CHP1: variants seen among roughly 807,000 people sequenced by gnomAD.
CHP1 encodes the protein calcineurin B homologous protein 1.
In CHP1, 11 loss-of-function variants were observed where a neutral mutation model predicts 27.4. The observed-to-expected ratio is 0.40, with a 90% CI of 0.25 to 0.67. The LOEUF (loss-of-function observed/expected upper bound fraction) is 0.67, where lower values mean the gene tolerates loss of function less well. Among genes scored for constraint, CHP1 ranks in the 30% least tolerant of loss-of-function variants. The pLI is 0.38. For synonymous variants in CHP1, 89 were observed against 87.4 expected, an observed-to-expected ratio of 1.02 and a Z score of -0.10; for missense variants, 169 against 251.3, an observed-to-expected ratio of 0.67 and a Z score of 2.22.
intron 5 of CHP1, among the ~76,000 whole-genome samples, chr15:41,272,541 C>T (rs191457188): frequency 5.9e-5 from 9 of 152,102 alleles, no homozygotes; most frequent in African/African-American, 1.4e-4. Context: ...GTGCCTCAGC[C>T]TCCTGAGTAA....
chr15:41,249,614 AG>A (rs1421899495), intron 2 of CHP1, among the ~76,000 whole-genome samples: 1 of 151,694 alleles, frequency 6.6e-6, no homozygotes, highest in Non-Finnish European at 1.5e-5. Flanking sequence ...CTGGGACTAC[AG>A]GTGCCCGCCA....
rs193258188 is a variant in CHP1, at chr15:41,244,637, A to T, written c.140+898A>T. Among the ~76,000 whole-genome samples, 117 of 152,272 alleles carry T rather than the reference A, an allele frequency of 7.7e-4. 1 individual carries two copies. Among genetic ancestry groups the T allele is most frequent in the Non-Finnish European group, 1.2e-4 (8 of 68,026 alleles). On this transcript the variant is annotated intron_variant, in intron 2 of 6. Coordinates refer to ENST00000334660, the MANE Select transcript of CHP1 (RefSeq NM_007236.5). ...GGCCAGAGATGCTGCTAAACATCCT[A>T]CAGTGCACAGGACAGCCCCCATGAC...
chr15:41,266,874 C>T (rs1221406542), intron 4 of CHP1, among the ~76,000 whole-genome samples: 1 of 151,968 alleles, frequency 6.6e-6, no homozygotes, highest in Admixed American at 6.6e-5. Flanking sequence ...GTGGTGGATA[C>T]CTGTAATCCC....
At chr15:41,264,112 G>A in intron 4 of CHP1, 1 of 930,208 alleles carries the variant, frequency 1.1e-6, no homozygotes, top group Non-Finnish European at 1.5e-6. Flanking sequence ...ATGGTCACAT[G>A]GCAGCTCTCA....
In CHP1 at chr15:41,231,316, T is replaced by A; in HGVS notation, c.-67T>A. On this transcript the variant is annotated 5_prime_UTR_variant, in exon 1 of 7. Transcript: ENST00000334660. ...TCTTGACCCCTAGCCCTTCCTTCCCTCCCTCCTTCCCTCCTGTCGCCGTCT... is the reference window on the plus strand; with the variant it reads ...TCTTGACCCCTAGCCCTTCCTTCCCACCCTCCTTCCCTCCTGTCGCCGTCT... The A allele has an allele frequency of 6.9e-7, 1 of 1,454,496 alleles. No homozygotes were observed. The highest frequency in any genetic ancestry group is 1.2e-5 in the South Asian group (1 of 82,328). 90.1% of individuals were successfully genotyped at this position (1,454,496 alleles called of 1,614,324 possible). A position where few individuals can be genotyped will look rare whatever the true frequency, so the allele number is the denominator to read the frequency against.
At chr15:41,238,281 C>T (rs1334858884) in intron 1 of CHP1, among the ~76,000 whole-genome samples, 1 of 151,942 alleles carries the variant, frequency 6.6e-6, no homozygotes, top group East Asian at 1.9e-4. Context: ...CCTCTGCCTC[C>T]TAAATAGCTC....
At chr15:41,256,115 G>A (rs1021878240) in intron 2 of CHP1, among the ~76,000 whole-genome samples, 1 of 152,172 alleles carries the variant, frequency 6.6e-6, no homozygotes, top group Admixed American at 6.5e-5. Context: ...TGCTACTTAG[G>A]AGTAGTGTGG....
At chr15:41,275,503 G>A (rs1045556672) in intron 5 of CHP1, among the ~76,000 whole-genome samples, 1 of 152,082 alleles carries the variant, frequency 6.6e-6, no homozygotes, top group African/African-American at 2.4e-5. Flanking sequence ...TAATCAGTTT[G>A]GATACAAATC....
chr15:41,257,681 TC>T, intron 3 of CHP1, among the ~76,000 whole-genome samples: 1 of 152,076 alleles, frequency 6.6e-6, no homozygotes, highest in East Asian at 1.9e-4. Flanking sequence ...TGCCTCAGCC[TC>T]CGAGATAGTT....
chr15:41,280,848 T>G lies in CHP1; in HGVS notation c.*1459T>G, dbSNP rs548587938. 1 of 151,202 alleles carries G rather than the reference T, an allele frequency of 6.6e-6. No individual in the cohort carries two copies. 9.4% of individuals were successfully genotyped at this position (151,202 alleles called of 1,614,324 possible). A position where few individuals can be genotyped will look rare whatever the true frequency, so the allele number is the denominator to read the frequency against. ...ATTTAAAGATTGTTTCCTTAGTGTC[T>G]TGAAGTTTTGCACAAAATTCTTTTT... is the stretch of plus-strand genomic sequence containing the variant. On this transcript the variant is annotated 3_prime_UTR_variant, in exon 7 of 7. Coordinates refer to ENST00000334660, the MANE Select transcript of CHP1 (RefSeq NM_007236.5).
chr15:41,255,542 A>G (rs1391057569), intron 2 of CHP1, among the ~76,000 whole-genome samples: 1 of 151,752 alleles, frequency 6.6e-6, no homozygotes, highest in East Asian at 1.9e-4. Flanking sequence ...GCATGGTAGC[A>G]CCCGCTTGTA....
intron 2 of CHP1, among the ~76,000 whole-genome samples, chr15:41,253,592 C>T (rs1440961671): frequency 6.6e-6 from 1 of 151,652 alleles, no homozygotes; most frequent in Non-Finnish European, 1.5e-5. Context: ...GTAGCTGGGA[C>T]TACAGGTGCC....
intron 1 of CHP1, among the ~76,000 whole-genome samples, chr15:41,238,576 A>C (rs918777565): frequency 6.6e-6 from 1 of 152,068 alleles, no homozygotes; most frequent in African/African-American, 2.4e-5. Flanking sequence ...ACGGTGGCTC[A>C]TGCCTGTAAT....
At chr15:41,264,302 G>C in intron 4 of CHP1, 1 of 850,136 alleles carries the variant, frequency 1.2e-6, no homozygotes, top group African/African-American at 1.8e-5. Flanking sequence ...GAGGAGATTA[G>C]GCTAATGAGA....
At chr15:41,277,215 C>G (rs1211465597) in intron 5 of CHP1, among the ~76,000 whole-genome samples, 1 of 152,146 alleles carries the variant, frequency 6.6e-6, no homozygotes, top group Non-Finnish European at 1.5e-5. Flanking sequence ...CCTACATGAA[C>G]CTAGATGGTA....
intron 5 of CHP1, among the ~76,000 whole-genome samples, chr15:41,275,000 G>A (rs538937071): frequency 1.3e-5 from 2 of 152,028 alleles, no homozygotes; most frequent in South Asian, 4.1e-4. Context: ...ATGTTGGTCA[G>A]GCTGGTCTCC....
intron 5 of CHP1, among the ~76,000 whole-genome samples, chr15:41,273,833 C>G (rs187815739): frequency 6.6e-6 from 1 of 151,400 alleles, no homozygotes; most frequent in Admixed American, 6.6e-5. Flanking sequence ...TCCAGCTACT[C>G]GGGAGGCTGA....
chr15:41,275,872 C>T (rs953520790), intron 5 of CHP1, among the ~76,000 whole-genome samples: 3 of 152,066 alleles, frequency 2.0e-5, no homozygotes, highest in Non-Finnish European at 2.9e-5. Flanking sequence ...TGCACCACCA[C>T]GCCCAGCTAA....
chr15:41,255,518 C>T (rs920847687), intron 2 of CHP1, among the ~76,000 whole-genome samples: 1 of 151,488 alleles, frequency 6.6e-6, no homozygotes, highest in Non-Finnish European at 1.5e-5. Flanking sequence ...ACTAAAAATA[C>T]AAAAATTGGC....
Sources: allele counts gnomAD v4.1 joint callset (sites outside exome capture counted in the v4.1 genomes callset), GRCh38; gene constraint gnomAD v4.1.1; transcripts MANE v1.5; gene names NCBI Gene and HGNC (gene_info 2026-07-23, HGNC 2026-07-21).